DPH6: variants seen among roughly 807,000 people sequenced by gnomAD.
DPH6 encodes diphthamine biosynthesis 6.
A neutral mutation model predicts 38.2 loss-of-function variants in DPH6; 33 were observed. That is an observed-to-expected ratio of 0.86 (90% confidence interval 0.65 to 1.15). The LOEUF is 1.15. DPH6 is among the 50% of genes most tolerant of loss of function. DPH6 has a pLI of 0.00. For missense variants in DPH6, 325 were observed against 320.0 expected (o/e 1.02, Z -0.12); for synonymous variants, 108 against 103.0 (o/e 1.05, Z -0.30).
At position 35,373,586 on chromosome 15, in the gene DPH6, G is replaced by A; in HGVS notation, c.685C>T (p.His229Tyr). 6.2e-7 allele frequency: 1 copy of A among 1,609,030 alleles called. No individual in the cohort carries two copies. Among genetic ancestry groups the A allele is most frequent in the Non-Finnish European group, 8.5e-7 (1 of 1,177,544 alleles). Residue 229 changes from histidine to tyrosine, a missense_variant, in exon 8 of 9, where the codon CAT becomes TAT. Coordinates refer to ENST00000256538, the MANE Select transcript of DPH6 (RefSeq NM_080650.4). The stretch of plus-strand genomic sequence containing the variant: ...ACAGGTGCAAATGCATCAGCTGAAT[G>A]TATGACTACTTCTGATGAATCCCTG... ...IIVDSSEVVI[H>Y]SADAFAPVAY...
chr15:35,479,692 A>AG (rs1215975780), intron 3 of DPH6, among the ~76,000 whole-genome samples: 2 of 152,038 alleles, frequency 1.3e-5, no homozygotes, highest in Admixed American at 6.6e-5. Flanking sequence ...CTCACATCAC[A>AG]GGGTTTAATT....
At chr15:35,428,595 T>C (rs989727316) in intron 5 of DPH6, among the ~76,000 whole-genome samples, 2 of 152,134 alleles carry the variant, frequency 1.3e-5, no homozygotes, top group African/African-American at 2.4e-5. Context: ...GAGCTCCAAA[T>C]GTTAGAAAGT....
chr15:35,158,864 ATCT>A, the DPH6 span, among the ~76,000 whole-genome samples: 1 of 152,130 alleles, frequency 6.6e-6, no homozygotes, highest in African/African-American at 2.4e-5. Flanking sequence ...AACAACCCTA[ATCT>A]TCTTTAAAAA....
exon 4 of DPH6, chr15:35,218,418 G>C (rs774047724): frequency 2.6e-5 from 4 of 152,162 alleles, no homozygotes; most frequent in Non-Finnish European, 5.9e-5. Context: ...CTTCTGACTT[G>C]ACAGTCAAAT....
intron 3 of DPH6, among the ~76,000 whole-genome samples, chr15:35,461,814 G>A (rs1179318471): frequency 6.6e-6 from 1 of 152,022 alleles, no homozygotes; most frequent in African/African-American, 2.4e-5. Flanking sequence ...AAAAAACAGG[G>A]TAATGTTTTT....
chr15:35,414,470 CAT>C (rs756033169), intron 5 of DPH6, among the ~76,000 whole-genome samples: 3 of 151,766 alleles, frequency 2.0e-5, no homozygotes, highest in Admixed American at 1.3e-4. Context: ...TGTCTAGGCA[CAT>C]GTTTATTTTA....
chr15:35,218,761 G>A (rs1457313987), exon 4 of DPH6: 2 of 151,424 alleles, frequency 1.3e-5, no homozygotes, highest in Non-Finnish European at 2.9e-5. Flanking sequence ...AACAAAACAA[G>A]CAGTGTAATT....
At chr15:35,362,285 T>G (rs1262532472) in intron 3 of DPH6, among the ~76,000 whole-genome samples, 1 of 152,194 alleles carries the variant, frequency 6.6e-6, no homozygotes, top group Non-Finnish European at 1.5e-5. Flanking sequence ...TACAAGCCAC[T>G]GAGCTCTCTT....
rs200304185 is a variant in DPH6 at position 35,243,290 on chromosome 15, GC to G, written n.201-22709del. 4.0e-3 allele frequency among the ~76,000 whole-genome samples: 569 copies of G among 141,840 alleles called. 65 individuals are homozygous for G. The highest frequency in any genetic ancestry group is 0.014 in the African/African-American group (544 of 39,136). The allele number at this position is 141,840 out of a possible 152,430, so 93.1% of individuals were successfully genotyped here. ...GCCGCCCCTAATACCGCTTGAAGCA[GC>G]CCTGAGAAACATCGCCCATTCTCTC... On this transcript the variant is annotated intron_variant and non_coding_transcript_variant, in intron 3 of 3. Coordinates refer to the DPH6 transcript ENST00000560386.
chr15:35,190,504 T>C, the DPH6 span, among the ~76,000 whole-genome samples: 2 of 152,192 alleles, frequency 1.3e-5, no homozygotes, highest in African/African-American at 4.8e-5. Flanking sequence ...GGCAGATTGC[T>C]GGTCCAGGTG....
chr15:35,525,533 G>C (rs1232908439), intron 3 of DPH6, among the ~76,000 whole-genome samples: 1 of 152,058 alleles, frequency 6.6e-6, no homozygotes, highest in Non-Finnish European at 1.5e-5. Context: ...ACTAATTATT[G>C]AGTATTCATG....
chr15:35,261,825 C>A, intron 3 of DPH6, among the ~76,000 whole-genome samples: 1 of 109,302 alleles, frequency 9.1e-6, no homozygotes, highest in African/African-American at 2.9e-5. Context: ...AGAGCAAGAC[C>A]CTCTCTTAAA....
At chr15:35,495,075 C>G (rs2054531540) in intron 3 of DPH6, among the ~76,000 whole-genome samples, 1 of 152,106 alleles carries the variant, frequency 6.6e-6, no homozygotes, top group Non-Finnish European at 1.5e-5. Context: ...CTATATGTCA[C>G]CAATATAATT....
the DPH6 span, among the ~76,000 whole-genome samples, chr15:35,145,749 C>G: frequency 6.6e-6 from 1 of 152,220 alleles, no homozygotes; most frequent in African/African-American, 2.4e-5. Flanking sequence ...TAACCTTAGC[C>G]AGCCATCAAA....
chr15:35,417,087 CAT>C (rs1027699453), intron 5 of DPH6, among the ~76,000 whole-genome samples: 3 of 151,992 alleles, frequency 2.0e-5, no homozygotes, highest in African/African-American at 7.2e-5. Flanking sequence ...AAACAAAACT[CAT>C]AGTAATTGTT....
chr15:35,368,705 T>C (rs371730586), downstream of DPH6, among the ~76,000 whole-genome samples: 3 of 151,986 alleles, frequency 2.0e-5, no homozygotes, highest in South Asian at 4.1e-4. Context: ...CAACATTCTG[T>C]GGTTGAGTTA....
chr15:35,200,292 G>A, the DPH6 span, among the ~76,000 whole-genome samples: 1 of 152,074 alleles, frequency 6.6e-6, no homozygotes, highest in African/African-American at 2.4e-5. Context: ...CAAAATGGAA[G>A]GTGGTGAGAT....
intron 3 of DPH6, among the ~76,000 whole-genome samples, chr15:35,225,519 G>A (rs770873249): frequency 3.3e-5 from 5 of 152,126 alleles, no homozygotes; most frequent in Admixed American, 1.3e-4. Flanking sequence ...CATTGGAGAC[G>A]TGTTCAGGAT....
At chr15:35,367,789 T>A (rs1381578885), downstream of DPH6, among the ~76,000 whole-genome samples, 1 of 151,820 alleles carries the variant, frequency 6.6e-6, no homozygotes, top group Non-Finnish European at 1.5e-5. Flanking sequence ...AATCAAAATT[T>A]ACACTAACAA....
Sources: gnomAD v4.1 joint callset for allele counts (sites outside exome capture counted in the v4.1 genomes callset) on GRCh38, gnomAD v4.1.1 for gene constraint, MANE v1.5 for transcripts, NCBI Gene and HGNC (gene_info 2026-07-23, HGNC 2026-07-21) for gene names.